Variants in SMIM31 observed in about 807,000 individuals in gnomAD.
The protein encoded by SMIM31 is small integral membrane protein 31.
At chr4:164,787,578 T>A (rs1209355953) in intron 2 of SMIM31, among the ~76,000 whole-genome samples, 3 of 149,156 alleles carry the variant, frequency 2.0e-5, no homozygotes, top group African/African-American at 7.5e-5. Flanking sequence ...GTGGATACAG[T>A]CAGAGTAGGC....
intron 2 of SMIM31, among the ~76,000 whole-genome samples, chr4:164,774,833 C>A (rs1732859476): frequency 6.6e-6 from 1 of 151,778 alleles, no homozygotes; most frequent in Non-Finnish European, 1.5e-5. Flanking sequence ...TAAATTTTGC[C>A]CTGGCTCAAG....
chr4:164,761,789 T>C (rs755499967), intron 1 of SMIM31, among the ~76,000 whole-genome samples: 24 of 150,310 alleles, frequency 1.6e-4, no homozygotes, highest in Non-Finnish European at 3.0e-4. Context: ...CCAGGTGTGG[T>C]GGCTAGTGCC....
rs1362910194 is a variant in SMIM31, at chr4:164,760,760, AAG to A, written c.-26+6351_-26+6352del. ...ACCTAAAAAAAAAAAAAAAAAAAAAAAGATAAAGCCAATAGGATTTCTTGAAA... is the reference window on the plus strand; with the variant it reads ...ACCTAAAAAAAAAAAAAAAAAAAAAAATAAAGCCAATAGGATTTCTTGAAA... On this transcript the variant is annotated intron_variant, in intron 1 of 2. Coordinates refer to ENST00000507311, the MANE Select transcript of SMIM31 (RefSeq NM_001352885.1). Among the ~76,000 whole-genome samples the A allele has an allele frequency of 1.9e-3, 286 of 148,146 alleles. 1 individual carries two copies. The highest frequency in any genetic ancestry group is 6.7e-3 in the African/African-American group (269 of 40,362).
intron 2 of SMIM31, among the ~76,000 whole-genome samples, chr4:164,781,824 G>T (rs943651323): frequency 1.3e-5 from 2 of 152,164 alleles, no homozygotes; most frequent in African/African-American, 4.8e-5. Flanking sequence ...AGGCCAAACC[G>T]CAGAAACAGA....
chr4:164,775,490 A>T (rs911953487), intron 2 of SMIM31, among the ~76,000 whole-genome samples: 3 of 152,328 alleles, frequency 2.0e-5, no homozygotes, highest in Admixed American at 6.5e-5. Context: ...ACTATAAATC[A>T]TCTTACCTAT....
intron 1 of SMIM31, among the ~76,000 whole-genome samples, chr4:164,769,664 T>G (rs968400678): frequency 2.6e-5 from 4 of 151,336 alleles, no homozygotes; most frequent in African/African-American, 7.3e-5. Flanking sequence ...GTTAATGGGT[T>G]CAGCACACCA....
At chr4:164,760,514 T>C (rs1442249443) in intron 1 of SMIM31, among the ~76,000 whole-genome samples, 1 of 151,348 alleles carries the variant, frequency 6.6e-6, no homozygotes, top group African/African-American at 2.4e-5. Context: ...GTGGATCACT[T>C]GAGGTCAGGA....
chr4:164,783,660 T>G (rs1206404000), intron 2 of SMIM31, among the ~76,000 whole-genome samples: 1 of 152,026 alleles, frequency 6.6e-6, no homozygotes, highest in Non-Finnish European at 1.5e-5. Flanking sequence ...ATCATGCCTG[T>G]AATCCCAGCT....
intron 1 of SMIM31, among the ~76,000 whole-genome samples, chr4:164,767,062 G>A (rs922257830): frequency 2.6e-5 from 4 of 152,160 alleles, no homozygotes; most frequent in African/African-American, 4.8e-5. Context: ...ACCATCAGAC[G>A]GGATGTGGGG....
chr4:164,771,759 A>G (rs2110933489), intron 2 of SMIM31, among the ~76,000 whole-genome samples: 1 of 152,320 alleles, frequency 6.6e-6, no homozygotes, highest in Non-Finnish European at 1.5e-5. Flanking sequence ...CAGTAATCTG[A>G]GATTGCGCCA....
chr4:164,773,313 C>G (rs1443966831), intron 2 of SMIM31, among the ~76,000 whole-genome samples: 2 of 152,138 alleles, frequency 1.3e-5, no homozygotes, highest in Non-Finnish European at 2.9e-5. Flanking sequence ...AAAAATCATA[C>G]AAATTCTCAA....
chr4:164,773,702 C>T (rs971421460), intron 2 of SMIM31, among the ~76,000 whole-genome samples: 16 of 152,094 alleles, frequency 1.1e-4, no homozygotes, highest in Admixed American at 6.6e-5. Flanking sequence ...ACAGCCAAAC[C>T]TTATCAGCCT....
At chr4:164,787,373 A>C (rs1379982005) in intron 2 of SMIM31, 1 of 152,122 alleles carries the variant, frequency 6.6e-6, no homozygotes, top group African/African-American at 2.4e-5. Context: ...TGACATGCAA[A>C]TTCATGAAGT....
intron 1 of SMIM31, among the ~76,000 whole-genome samples, chr4:164,762,822 G>T (rs987661488): frequency 6.6e-6 from 1 of 152,186 alleles, no homozygotes; most frequent in Non-Finnish European, 1.5e-5. Flanking sequence ...GAGCTACACA[G>T]TTGTGGGTGA....
intron 2 of SMIM31, among the ~76,000 whole-genome samples, chr4:164,795,995 G>A (rs1203672032): frequency 6.6e-6 from 1 of 152,128 alleles, no homozygotes; most frequent in African/African-American, 2.4e-5. Context: ...AAGACTCTGA[G>A]AGGGTGGCAA....
Position 164,803,334 on chromosome 4 carries a change from A to C in SMIM31, c.*2140A>C, listed in dbSNP as rs1733311070. On this transcript the variant is annotated 3_prime_UTR_variant, in exon 3 of 3. Coordinates refer to ENST00000507311, the MANE Select transcript of SMIM31 (RefSeq NM_001352885.1). ...ATGCTTATAGTCCAAGCTACTCACA[A>C]GGCTGAGGCAGGAGGATCGCTTGAG... 6.6e-6 allele frequency: 1 copy of C among 152,350 alleles called. No individual in the cohort carries two copies. The highest frequency in any genetic ancestry group is 1.5e-5 in the Non-Finnish European group (1 of 68,196). The allele number at this position is 152,350 out of a possible 1,614,324, so 9.4% of individuals were successfully genotyped here. A position where few individuals can be genotyped will look rare whatever the true frequency, so the allele number is the denominator to read the frequency against.
chr4:164,759,672 A>G (rs1732619452), intron 1 of SMIM31, among the ~76,000 whole-genome samples: 1 of 152,154 alleles, frequency 6.6e-6, no homozygotes, highest in Admixed American at 6.5e-5. Flanking sequence ...TCATTCATTC[A>G]TTCATTCACT....
At position 164,795,516 on chromosome 4, in the gene SMIM31, C is replaced by T. The variant is rs528262915; in HGVS notation, c.113-5575C>T. Among the ~76,000 whole-genome samples, 29 of 127,134 alleles carry T rather than the reference C, an allele frequency of 2.3e-4. No homozygotes were observed. The East Asian group carries it at 4.4e-3, about 19-fold the overall frequency. The allele number at this position is 127,134 out of a possible 152,430, so 83.4% of individuals were successfully genotyped here. A position where few individuals can be genotyped will look rare whatever the true frequency, so the allele number is the denominator to read the frequency against. ...GAGAGGTTGCAGTGAGGCGAGATCA[C>T]GCCACTGCACTCCAGCCTGGTGACA... is the stretch of plus-strand genomic sequence containing the variant. On this transcript the variant is annotated intron_variant, in intron 2 of 2. Coordinates refer to ENST00000507311, the MANE Select transcript of SMIM31 (RefSeq NM_001352885.1).
chr4:164,778,429 G>T (rs1732905455), intron 2 of SMIM31, among the ~76,000 whole-genome samples: 1 of 152,042 alleles, frequency 6.6e-6, no homozygotes, highest in South Asian at 2.1e-4. Context: ...TATACAAAAT[G>T]ATTTGATAGT....
Sources: allele counts gnomAD v4.1 joint callset (sites outside exome capture counted in the v4.1 genomes callset), GRCh38; gene constraint gnomAD v4.1.1; transcripts MANE v1.5; gene names NCBI Gene and HGNC (gene_info 2026-07-23, HGNC 2026-07-21).